The following MCF2L2 variants were observed in gnomAD, a reference collection of about 807,000 sequenced individuals.
MCF2L2 encodes probable guanine nucleotide exchange factor MCF2L2.
In MCF2L2, 102 loss-of-function variants were observed where a neutral mutation model predicts 150.2. That is an observed-to-expected ratio of 0.68 (90% CI 0.58 to 0.80). The LOEUF is 0.80. Ranked by LOEUF, MCF2L2 falls within the 30% of genes least tolerant of loss-of-function variation. The pLI is 0.00. For missense variants in MCF2L2, 1,256 were observed against 1,372.8 expected, an observed-to-expected ratio of 0.91 and a Z score of 1.34; for synonymous variants, 465 against 491.3, an observed-to-expected ratio of 0.95 and a Z score of 0.71.
rs1368080298 is a variant in MCF2L2 at position 183,341,525 on chromosome 3, A to G, written c.366+15T>C. On this transcript the variant is annotated intron_variant, in intron 4 of 29. Transcript: ENST00000328913. ...AAATGACTTTTATAATAAAAGCACAAAAATAAATATTTACAGCTATTCGTG... is the reference window on the plus strand; with the variant it reads ...AAATGACTTTTATAATAAAAGCACAGAAATAAATATTTACAGCTATTCGTG... The G allele has an allele frequency of 1.9e-6, 3 of 1,586,838 alleles. No homozygotes were observed. The highest frequency in any genetic ancestry group is 2.6e-6 in the Non-Finnish European group (3 of 1,155,348).
At chr3:183,337,415 G>C (rs930120026) in intron 5 of MCF2L2, among the ~76,000 whole-genome samples, 1 of 151,938 alleles carries the variant, frequency 6.6e-6, no homozygotes, top group African/African-American at 2.4e-5. Context: ...AAATTAGCTG[G>C]GCGTGGTGGC....
chr3:183,422,136 T>C (rs1715915313), intron 1 of MCF2L2, among the ~76,000 whole-genome samples: 1 of 152,172 alleles, frequency 6.6e-6, no homozygotes, highest in Non-Finnish European at 1.5e-5. Context: ...TTAGGTTCCA[T>C]ATAACTCTAG....
At chr3:183,205,995 G>T in intron 24 of MCF2L2, 41 bp from the exon 25 acceptor site, 1 of 1,577,194 alleles carries the variant, frequency 6.3e-7, no homozygotes, top group South Asian at 1.1e-5. Context: ...ACTACCATGA[G>T]TATTAATTGC....
At chr3:183,271,473 G>GTTA (rs1726776805) in intron 15 of MCF2L2, 1 of 167,128 alleles carries the variant, frequency 6.0e-6, no homozygotes, top group South Asian at 2.1e-4. Flanking sequence ...TGTGTACAAT[G>GTTA]TTATTATAAA....
intron 15 of MCF2L2, chr3:183,254,077 G>C (rs1203307118): frequency 6.6e-6 from 1 of 151,814 alleles, no homozygotes; most frequent in Non-Finnish European, 1.5e-5. Context: ...CCCCGCCCCC[G>C]CCCCGCCGCG....
chr3:183,416,057 T>A (rs1193644030), intron 1 of MCF2L2, among the ~76,000 whole-genome samples: 1 of 152,154 alleles, frequency 6.6e-6, no homozygotes, highest in Non-Finnish European at 1.5e-5. Context: ...ATTCTATAGT[T>A]TTTCATATAC....
chr3:183,279,755 G>T (rs1727367221), intron 14 of MCF2L2, among the ~76,000 whole-genome samples: 2 of 152,240 alleles, frequency 1.3e-5, no homozygotes, highest in Admixed American at 1.3e-4. Context: ...AATTGGCTGG[G>T]CATGGTGGCT....
chr3:183,348,727 T>C (rs1730997925), intron 3 of MCF2L2, among the ~76,000 whole-genome samples: 1 of 152,172 alleles, frequency 6.6e-6, no homozygotes, highest in South Asian at 2.1e-4. Context: ...TGTGGCTATG[T>C]GAATATTTTT....
At chr3:183,291,814 T>A (rs1339858489) in intron 13 of MCF2L2, among the ~76,000 whole-genome samples, 20 of 152,226 alleles carry the variant, frequency 1.3e-4, no homozygotes, top group Admixed American at 1.2e-3. Context: ...ACCTATTTAT[T>A]CTGGGAAGGA....
At chr3:183,382,569 A>G (rs547637461) in intron 2 of MCF2L2, among the ~76,000 whole-genome samples, 3 of 152,320 alleles carry the variant, frequency 2.0e-5, no homozygotes, top group Admixed American at 2.0e-4. Flanking sequence ...GCAACCTACA[A>G]CATGGCATCT....
chr3:183,352,643 G>A (rs373941574), intron 3 of MCF2L2, among the ~76,000 whole-genome samples: 1 of 152,204 alleles, frequency 6.6e-6, no homozygotes, highest in South Asian at 2.1e-4. Context: ...AGCCAGCAAA[G>A]AACAGCGCTT....
Position 183,309,778 on chromosome 3 carries a change from C to A in MCF2L2, c.1051G>T (p.Asp351Tyr). 6.2e-7 allele frequency: 1 copy of A among 1,613,998 alleles called. No homozygotes were observed. The highest frequency in any genetic ancestry group is 8.5e-7 in the Non-Finnish European group (1 of 1,180,012). Reference sequence around the variant, plus strand: ...ATCTGCTCCACGTGCATCACGCTGTCTCCAATGCCTGTAAACTCTGCTTGC... The same window carrying A: ...ATCTGCTCCACGTGCATCACGCTGTATCCAATGCCTGTAAACTCTGCTTGC... ...EEQAEFTGIG[D>Y]SVMHVEQILK... The change falls in exon 10 of 30, where the codon GAC becomes TAC. Residue 351 changes from aspartate (D) to tyrosine (Y), a missense_variant. Physicochemically the swap from Asp to Tyr is radical, Grantham distance 160. Coordinates refer to ENST00000328913, the MANE Select transcript of MCF2L2 (RefSeq NM_015078.4).
chr3:183,293,737 GA>G (rs1728299820), intron 13 of MCF2L2, among the ~76,000 whole-genome samples: 1 of 151,868 alleles, frequency 6.6e-6, no homozygotes, highest in Non-Finnish European at 1.5e-5. Context: ...AATATGACAA[GA>G]AAAAAAGTAT....
Position 183,344,606 on chromosome 3 carries a change from G to GC in MCF2L2, c.276-2977dup, listed in dbSNP as rs1347506148. ...AACCTTAAGTGTAAATGGGCTAAAT[G>GC]CCCCAATTAAAAGACACAGACTGGC... On this transcript the variant is annotated intron_variant, in intron 3 of 29. Transcript: ENST00000328913. Among the ~76,000 whole-genome samples the GC allele has an allele frequency of 7.2e-5, 11 of 152,238 alleles. No homozygotes were observed. The South Asian group carries it at 2.1e-3, about 29-fold the overall frequency.
At chr3:183,200,155 T>G (rs1722226157) in intron 25 of MCF2L2, among the ~76,000 whole-genome samples, 1 of 152,246 alleles carries the variant, frequency 6.6e-6, no homozygotes, top group African/African-American at 2.4e-5. Flanking sequence ...ATGGGATGGC[T>G]GGGTCAAACG....
intron 15 of MCF2L2, among the ~76,000 whole-genome samples, chr3:183,241,934 C>T (rs1034162813): frequency 6.6e-6 from 1 of 152,104 alleles, no homozygotes; most frequent in Admixed American, 6.5e-5. Context: ...AGATGAGGAA[C>T]TTGTTGGGAA....
intron 5 of MCF2L2, among the ~76,000 whole-genome samples, chr3:183,334,715 C>G (rs1342629604): frequency 6.6e-6 from 1 of 150,776 alleles, no homozygotes; most frequent in Non-Finnish European, 1.5e-5. Context: ...ATTGCTTGAA[C>G]CTGGGAGGCA....
intron 3 of MCF2L2, among the ~76,000 whole-genome samples, chr3:183,355,720 C>T (rs763531154): frequency 6.6e-6 from 1 of 151,236 alleles, no homozygotes; most frequent in Non-Finnish European, 1.5e-5. Context: ...CCTGCCTCGG[C>T]CTCCCAAAGT....
At chr3:183,401,996 C>T (rs1011809365) in intron 1 of MCF2L2, among the ~76,000 whole-genome samples, 2 of 152,110 alleles carry the variant, frequency 1.3e-5, no homozygotes, top group Non-Finnish European at 2.9e-5. Flanking sequence ...TTATAAGAAA[C>T]TGTCAAATCT....
Sources: allele counts gnomAD v4.1 joint callset (sites outside exome capture counted in the v4.1 genomes callset), GRCh38; gene constraint gnomAD v4.1.1; transcripts MANE v1.5; gene names NCBI Gene and HGNC (gene_info 2026-07-23, HGNC 2026-07-21).